PTPRD: variants seen among roughly 807,000 people sequenced by gnomAD.
The protein encoded by PTPRD is receptor-type tyrosine-protein phosphatase delta.
Under a neutral mutation model 214.5 loss-of-function variants are expected in PTPRD, and 34 were observed. The ratio of observed to expected loss-of-function variants is 0.16; its 90% CI spans 0.12 to 0.21. The LOEUF (loss-of-function observed/expected upper bound fraction) is 0.21, where lower values mean the gene tolerates loss of function less well. Among genes scored for constraint, PTPRD ranks in the 10% least tolerant of loss-of-function variants. The pLI, the probability that PTPRD is intolerant of heterozygous loss-of-function variation, is 1.00. For synonymous variants in PTPRD, 1,128 were observed against 845.7 expected (o/e 1.33, Z -5.79); for missense variants, 2,545 against 2,398.7 (o/e 1.06, Z -1.27).
chr9:8,464,428 C>G (rs931783634), intron 32 of PTPRD, among the ~76,000 whole-genome samples: 22 of 151,962 alleles, frequency 1.4e-4, no homozygotes, highest in African/African-American at 5.3e-4. Flanking sequence ...ATTCTGAGCA[C>G]AAAGGTAAAC....
intron 3 of PTPRD, among the ~76,000 whole-genome samples, chr9:10,133,713 A>T (rs2098920389): frequency 6.6e-6 from 1 of 152,184 alleles, no homozygotes. Flanking sequence ...AAAGTTAATT[A>T]GTATGTGCCT....
intron 2 of PTPRD, among the ~76,000 whole-genome samples, chr9:10,470,068 G>C (rs1160192826): frequency 1.3e-5 from 2 of 151,820 alleles, no homozygotes; most frequent in Non-Finnish European, 2.9e-5. Context: ...CAAAATAGGG[G>C]GCTTATATTT....
intron 5 of PTPRD, among the ~76,000 whole-genome samples, chr9:9,857,941 T>C (rs1408117): frequency 0.13 from 19,970 of 152,160 alleles, 1,671 homozygotes; most frequent in Non-Finnish European, 0.18. Flanking sequence ...AAAATTCAAA[T>C]GGAAAGAAAT....
At chr9:8,395,067 A>G (rs776790208) in intron 36 of PTPRD, among the ~76,000 whole-genome samples, 2 of 152,134 alleles carry the variant, frequency 1.3e-5, no homozygotes, top group South Asian at 2.1e-4. Context: ...CCAACTCACA[A>G]TTTGGCTTCA....
At chr9:9,955,977 A>T (rs1587187978) in intron 4 of PTPRD, among the ~76,000 whole-genome samples, 1 of 152,070 alleles carries the variant, frequency 6.6e-6, no homozygotes, top group South Asian at 2.1e-4. Flanking sequence ...GGTGGGGGGG[A>T]TCTAAAATCT....
chr9:10,056,349 A>C (rs2097648286), intron 3 of PTPRD, among the ~76,000 whole-genome samples: 1 of 152,030 alleles, frequency 6.6e-6, no homozygotes, highest in Non-Finnish European at 1.5e-5. Flanking sequence ...CTATTAAAAA[A>C]TCTGACTTTC....
chr9:9,675,479 C>A (rs573658256), intron 7 of PTPRD, among the ~76,000 whole-genome samples: 1 of 150,898 alleles, frequency 6.6e-6, no homozygotes, highest in Non-Finnish European at 1.5e-5. Context: ...ATGATAAATA[C>A]AAGAAATTAT....
At chr9:10,175,747 G>C (rs2099244352) in intron 3 of PTPRD, among the ~76,000 whole-genome samples, 1 of 151,788 alleles carries the variant, frequency 6.6e-6, no homozygotes. Context: ...ATTAGTCAAA[G>C]TATGTGGAAT....
At chr9:8,998,162 C>T (rs550416981) in intron 11 of PTPRD, among the ~76,000 whole-genome samples, 29 of 152,240 alleles carry the variant, frequency 1.9e-4, no homozygotes, top group Non-Finnish European at 2.6e-4. Context: ...AAGGTGGCTA[C>T]ATTACACAAC....
intron 2 of PTPRD, among the ~76,000 whole-genome samples, chr9:10,475,450 G>C (rs1394530001): frequency 6.6e-6 from 1 of 151,872 alleles, no homozygotes; most frequent in Admixed American, 6.6e-5. Flanking sequence ...TCGAATCCCT[G>C]AATATAGGAA....
intron 3 of PTPRD, among the ~76,000 whole-genome samples, chr9:10,095,065 A>T (rs2098469753): frequency 6.6e-6 from 1 of 151,386 alleles, no homozygotes; most frequent in Non-Finnish European, 1.5e-5. Flanking sequence ...AAAAATAGAA[A>T]ACTATGCACA....
At chr9:8,929,244 G>T (rs201739356) in intron 11 of PTPRD, among the ~76,000 whole-genome samples, 3 of 152,050 alleles carry the variant, frequency 2.0e-5, no homozygotes, top group Non-Finnish European at 4.4e-5. Flanking sequence ...AAGTAGTGAG[G>T]GAGGGCATCC....
chr9:8,757,287 A>G (rs2094069704), intron 11 of PTPRD, among the ~76,000 whole-genome samples: 1 of 152,220 alleles, frequency 6.6e-6, no homozygotes, highest in African/African-American at 2.4e-5. Flanking sequence ...GGGAATGTGA[A>G]CAATTAGAAA....
At chr9:10,512,343 G>C (rs1470741072) in intron 2 of PTPRD, among the ~76,000 whole-genome samples, 3 of 151,848 alleles carry the variant, frequency 2.0e-5, no homozygotes, top group African/African-American at 7.3e-5. Context: ...TGAAATGAAT[G>C]ACGCAATAAT....
chr9:9,890,372 A>G (rs1454668874), intron 5 of PTPRD, among the ~76,000 whole-genome samples: 1 of 151,156 alleles, frequency 6.6e-6, no homozygotes, highest in Non-Finnish European at 1.5e-5. Flanking sequence ...TTTTTTTTGA[A>G]TTTTTTATAG....
chr9:9,948,996 G>A (rs72692755), intron 4 of PTPRD, among the ~76,000 whole-genome samples: 3 of 151,928 alleles, frequency 2.0e-5, no homozygotes, highest in African/African-American at 7.2e-5. Flanking sequence ...AGCATGGGGG[G>A]GCCTAAGATT....
At chr9:9,733,886 G>A (rs1044270578) in intron 7 of PTPRD, among the ~76,000 whole-genome samples, 2 of 152,084 alleles carry the variant, frequency 1.3e-5, no homozygotes, top group African/African-American at 4.8e-5. Context: ...AATATTTGAA[G>A]AAAAAAGACT....
intron 44 of PTPRD, among the ~76,000 whole-genome samples, chr9:8,327,216 CT>C (rs1463194669): frequency 6.6e-6 from 1 of 151,742 alleles, no homozygotes; most frequent in Non-Finnish European, 1.5e-5. Flanking sequence ...CCCAGAGATT[CT>C]GGTACATTGT....
intron 3 of PTPRD, among the ~76,000 whole-genome samples, chr9:10,145,257 A>T (rs956993880): frequency 2.6e-5 from 4 of 151,790 alleles, no homozygotes; most frequent in African/African-American, 9.7e-5. Flanking sequence ...ATTAAAATGA[A>T]TGCTTGCATG....
Sources: allele counts gnomAD v4.1 joint callset (sites outside exome capture counted in the v4.1 genomes callset), GRCh38; gene constraint gnomAD v4.1.1; transcripts MANE v1.5; gene names NCBI Gene and HGNC (gene_info 2026-07-23, HGNC 2026-07-21).